OLFM1: variants seen among roughly 807,000 people sequenced by gnomAD.
OLFM1 encodes noelin.
A neutral mutation model predicts 49.7 loss-of-function variants in OLFM1; 9 were observed. The ratio of observed to expected loss-of-function variants is 0.18; its 90% CI spans 0.11 to 0.32. OLFM1 has a LOEUF of 0.32. Ranked by LOEUF, OLFM1 falls within the 10% of genes least tolerant of loss-of-function variation. The pLI, the probability that OLFM1 is intolerant of heterozygous loss-of-function variation, is 1.00. For synonymous variants in OLFM1, 240 were observed against 271.8 expected (o/e 0.88, Z 1.15); for missense variants, 369 against 661.8 (o/e 0.56, Z 4.85).
chr9:135,087,668 A>G lies in OLFM1; in HGVS notation c.-322A>G, dbSNP rs552441899. 2.7e-4 allele frequency: 127 copies of G among 477,784 alleles called. No individual in the cohort carries two copies. The highest frequency in any genetic ancestry group is 3.6e-4 in the Non-Finnish European group (117 of 325,418). 29.6% of individuals were successfully genotyped at this position (477,784 alleles called of 1,614,324 possible). On this transcript the variant is annotated 5_prime_UTR_variant, in exon 1 of 6. Coordinates refer to ENST00000371793, the MANE Select transcript of OLFM1 (RefSeq NM_001282611.2). ...CCCGCGCGCAGCCCGCGCAGCGCTC[A>G]GAGCCGGACGGCGCTTCCCGGTGGC... is the stretch of plus-strand genomic sequence containing the variant.
At chr9:135,097,939 C>G (rs10858334) in intron 3 of OLFM1, 195,824 of 1,472,628 alleles carry the variant, frequency 0.13, 13,919 homozygotes, top group South Asian at 0.17. Flanking sequence ...TGAATACAAC[C>G]AGGATCCTCC....
At chr9:135,109,243 A>C (rs375638302) in intron 5 of OLFM1, among the ~76,000 whole-genome samples, 1 of 152,252 alleles carries the variant, frequency 6.6e-6, no homozygotes, top group South Asian at 2.1e-4. Context: ...AGCACTAGTC[A>C]AGTTATCGTT....
chr9:135,097,119 G>A (rs1033122772), intron 3 of OLFM1, among the ~76,000 whole-genome samples: 10 of 152,160 alleles, frequency 6.6e-5, no homozygotes, highest in Admixed American at 2.0e-4. Flanking sequence ...CTGTCTTCCC[G>A]TCCTTTTTAT....
rs568224369 is a variant in OLFM1, at chr9:135,113,380, C to A, written c.784-6124C>A. 6.6e-6 allele frequency among the ~76,000 whole-genome samples: 1 copy of A among 152,098 alleles called. No individual in the cohort carries two copies. Among genetic ancestry groups the A allele is most frequent in the Non-Finnish European group, 1.5e-5 (1 of 68,024 alleles). ...ATGAGCTCCAGCAGGCTCTGAGGGC[C>A]GTGTCTAGCCTACCCAGAACCACCA... On this transcript the variant is annotated intron_variant, in intron 5 of 5. Coordinates refer to ENST00000371793, the MANE Select transcript of OLFM1 (RefSeq NM_001282611.2). The surrounding 1 kb of genome is among the most constrained non-coding windows in gnomAD (Gnocchi z 4.0).
chr9:135,115,429 C>T (rs534692405), intron 5 of OLFM1, among the ~76,000 whole-genome samples: 1 of 152,346 alleles, frequency 6.6e-6, no homozygotes, highest in South Asian at 2.1e-4. Context: ...CCAGGTTCCC[C>T]TGGGGGCAGA....
rs534177262 is a variant in OLFM1 at position 135,088,724 on chromosome 9, G to A, written c.150+585G>A. On this transcript the variant is annotated intron_variant, in intron 1 of 5. Transcript: ENST00000371793. The surrounding 1 kb of genome is among the most constrained non-coding windows in gnomAD (Gnocchi z 4.8). ...CCTTTCCTCCCCAGTCCATAGGAGG[G>A]TTTGTTCCTTCTCCTCCGAGGACGG... 1.3e-5 allele frequency among the ~76,000 whole-genome samples: 2 copies of A among 152,178 alleles called. No homozygotes were observed. Among genetic ancestry groups the A allele is most frequent in the East Asian group, 1.9e-4 (1 of 5,162 alleles).
At chr9:135,078,785 C>T (rs568031660) in intron 1 of OLFM1, among the ~76,000 whole-genome samples, 19 of 152,288 alleles carry the variant, frequency 1.2e-4, no homozygotes, top group Middle Eastern at 3.4e-3. Context: ...GTTTTTTGTA[C>T]GTGATAGGGT....
In OLFM1 at chr9:135,088,236, G is replaced by C; in HGVS notation, c.150+97G>C. ...CCCGGGCTGGGCGGGCGCCGCGCGG[G>C]ACCCGAGTCGCCCAGGGAGGCGGCG... On this transcript the variant is annotated intron_variant, in intron 1 of 5. Coordinates refer to ENST00000371793, the MANE Select transcript of OLFM1 (RefSeq NM_001282611.2). This position sits in a 1 kb window ranked among gnomAD's most constrained non-coding sequence, Gnocchi z 4.8. 8.8e-7 allele frequency: 1 copy of C among 1,130,668 alleles called. No individual in the cohort carries two copies. Among genetic ancestry groups the C allele is most frequent in the Non-Finnish European group, 1.1e-6 (1 of 902,406 alleles). 70.0% of individuals were successfully genotyped at this position (1,130,668 alleles called of 1,614,324 possible).
At chr9:135,102,448 C>G (rs1043161278) in intron 4 of OLFM1, among the ~76,000 whole-genome samples, 2 of 152,212 alleles carry the variant, frequency 1.3e-5, no homozygotes, top group Middle Eastern at 3.2e-3. Flanking sequence ...AAACCAAAAT[C>G]TAAAAAGCCG....
At chr9:135,107,124 C>T (rs1169186309) in intron 5 of OLFM1, among the ~76,000 whole-genome samples, 2 of 151,564 alleles carry the variant, frequency 1.3e-5, no homozygotes, top group African/African-American at 2.4e-5. Context: ...GCCTCCTCCC[C>T]GGCCCGGTGG....
chr9:135,092,348 C>G (rs1830727711), intron 2 of OLFM1, among the ~76,000 whole-genome samples: 1 of 152,160 alleles, frequency 6.6e-6, no homozygotes, highest in African/African-American at 2.4e-5. Context: ...GTTTCTTGGG[C>G]AAGAAGGATG....
chr9:135,103,851 AG>A (rs1256894599), intron 4 of OLFM1, among the ~76,000 whole-genome samples: 1 of 152,054 alleles, frequency 6.6e-6, no homozygotes, highest in Non-Finnish European at 1.5e-5. Context: ...CAGCCTTCCG[AG>A]GGGGCACTGT....
intron 4 of OLFM1, chr9:135,105,579 C>T (rs967208059): frequency 6.6e-6 from 1 of 152,358 alleles, no homozygotes; most frequent in Admixed American, 6.5e-5. Flanking sequence ...AGCCTGGAGC[C>T]TGCCCCACCC....
Position 135,113,298 on chromosome 9 carries a change from G to A in OLFM1, c.784-6206G>A, listed in dbSNP as rs560240873. 2.0e-5 allele frequency among the ~76,000 whole-genome samples: 3 copies of A among 152,212 alleles called. No individual in the cohort carries two copies. Among genetic ancestry groups the A allele is most frequent in the South Asian group, 2.1e-4 (1 of 4,816 alleles). ...GGTTTTCAGATGGGCTGACCCTACC[G>A]CCACGTCCCCACAGGTGGTCTTATG... is the stretch of plus-strand genomic sequence containing the variant. On this transcript the variant is annotated intron_variant, in intron 5 of 5. Transcript: ENST00000371793. This position sits in a 1 kb window ranked among gnomAD's most constrained non-coding sequence, Gnocchi z 4.0.
At chr9:135,106,929 G>A in intron 5 of OLFM1, 74 bp downstream of exon 5, 5 of 1,230,988 alleles carry the variant, frequency 4.1e-6, no homozygotes, top group Non-Finnish European at 5.7e-6. Context: ...CCCCAGACAT[G>A]GGTACAAGCC....
chr9:135,090,085 T>G, intron 1 of OLFM1, 110 bp from the exon 2 acceptor site: 4 of 1,027,772 alleles, frequency 3.9e-6, no homozygotes, highest in Non-Finnish European at 5.5e-6. Context: ...CTCCCATCTT[T>G]TCCTTGGGGG....
At chr9:135,075,714 G>A in exon 1 of OLFM1, 1 of 1,599,420 alleles carries the variant, frequency 6.3e-7, no homozygotes, top group East Asian at 2.3e-5. Flanking sequence ...TGCATGCCAG[G>A]TCGTTGGAGG....
chr9:135,089,348 T>G (rs1489687495), intron 1 of OLFM1, among the ~76,000 whole-genome samples: 1 of 152,220 alleles, frequency 6.6e-6, no homozygotes, highest in Non-Finnish European at 1.5e-5. Context: ...GAGGGGAGCG[T>G]GCTCAGAGAC....
In OLFM1 at chr9:135,120,527, A is replaced by G. The variant is rs1831172690; in HGVS notation, c.*349A>G. ...AAAACCCACTGTTAGGATGGCATGAACATTTCCTTAGATCGTGGTCAGCTC... is the reference window on the plus strand; with the variant it reads ...AAAACCCACTGTTAGGATGGCATGAGCATTTCCTTAGATCGTGGTCAGCTC... On this transcript the variant is annotated 3_prime_UTR_variant, in exon 6 of 6. Transcript: ENST00000371793. 4 of 281,710 alleles carry G rather than the reference A, an allele frequency of 1.4e-5. No individual in the cohort carries two copies. The South Asian group carries it at 1.7e-4, about 12-fold the overall frequency. The allele number at this position is 281,710 out of a possible 1,614,324, so 17.5% of individuals were successfully genotyped here. A position where few individuals can be genotyped will look rare whatever the true frequency, so the allele number is the denominator to read the frequency against.
Sources: gnomAD v4.1 joint callset for allele counts (sites outside exome capture counted in the v4.1 genomes callset) on GRCh38, gnomAD v4.1.1 for gene constraint, Gnocchi (gnomAD v3.1) non-coding constraint, MANE v1.5 for transcripts, NCBI Gene and HGNC (gene_info 2026-07-23, HGNC 2026-07-21) for gene names.